SVOP: variants seen among roughly 807,000 people sequenced by gnomAD.
The protein encoded by SVOP is synaptic vesicle 2-related protein.
Under a neutral mutation model 69.1 loss-of-function variants are expected in SVOP, and 17 were observed. The ratio of observed to expected loss-of-function variants is 0.25; its 90% CI spans 0.17 to 0.37. The LOEUF is 0.37. SVOP is among the 10% of genes least tolerant of loss of function. SVOP has a pLI of 1.00. For synonymous variants in SVOP, 238 were observed against 238.6 expected, an observed-to-expected ratio of 1.00 and a Z score of 0.02; for missense variants, 435 against 597.5, an observed-to-expected ratio of 0.73 and a Z score of 2.84.
chr12:108,939,090 T>C, intron 8 of SVOP, 135 bp from the exon 9 acceptor site: 16 of 1,238,950 alleles, frequency 1.3e-5, no homozygotes, highest in Non-Finnish European at 1.8e-5. Flanking sequence ...CTTCAAATCC[T>C]GGCCCCACCA....
chr12:108,925,852 G>A (rs2039776940), intron 11 of SVOP, among the ~76,000 whole-genome samples: 1 of 151,472 alleles, frequency 6.6e-6, no homozygotes, highest in Non-Finnish European at 1.5e-5. Context: ...TTCTCATTGA[G>A]GCCACCCTGA....
intron 6 of SVOP, among the ~76,000 whole-genome samples, chr12:108,959,476 C>T (rs369248109): frequency 7.9e-5 from 12 of 151,964 alleles, no homozygotes; most frequent in Admixed American, 3.3e-4. Context: ...GCCTTAGCCT[C>T]CCAAGTATCT....
intron 5 of SVOP, among the ~76,000 whole-genome samples, chr12:108,964,639 T>G (rs2040034907): frequency 2.0e-5 from 3 of 152,176 alleles, no homozygotes; most frequent in Admixed American, 6.5e-5. Flanking sequence ...AGGCCTGTCA[T>G]GGATATTACA....
chr12:108,920,782 G>C (rs2039743988), intron 12 of SVOP, among the ~76,000 whole-genome samples: 1 of 151,936 alleles, frequency 6.6e-6, no homozygotes, highest in Non-Finnish European at 1.5e-5. Flanking sequence ...AGTTTTAGTA[G>C]AGATGGAGTT....
chr12:108,960,720 T>G (rs1225261328), intron 6 of SVOP, among the ~76,000 whole-genome samples: 2 of 152,180 alleles, frequency 1.3e-5, no homozygotes, highest in East Asian at 3.8e-4. Context: ...CATTGTGTTG[T>G]TTTGCTGCTG....
chr12:108,949,930 T>C (rs910152219), intron 6 of SVOP, among the ~76,000 whole-genome samples: 1 of 152,180 alleles, frequency 6.6e-6, no homozygotes, highest in Non-Finnish European at 1.5e-5. Context: ...AGTTCCCTCA[T>C]CCTTGAAGTG....
At chr12:108,997,253 C>T (rs1449350190) in intron 1 of SVOP, among the ~76,000 whole-genome samples, 1 of 152,064 alleles carries the variant, frequency 6.6e-6, no homozygotes, top group Non-Finnish European at 1.5e-5. Flanking sequence ...CTTTTCAGAC[C>T]GGCTTAAAAA....
At chr12:109,010,027 G>A (rs1208098089) in intron 1 of SVOP, among the ~76,000 whole-genome samples, 1 of 151,590 alleles carries the variant, frequency 6.6e-6, no homozygotes, top group Non-Finnish European at 1.5e-5. Context: ...GAAAGTTGAG[G>A]CGGGAGGATT....
intron 2 of SVOP, among the ~76,000 whole-genome samples, chr12:108,982,547 A>C (rs1168514455): frequency 6.6e-6 from 1 of 151,192 alleles, no homozygotes; most frequent in East Asian, 2.0e-4. Context: ...TTTCATCATC[A>C]CCGTCATCAT....
At chr12:108,973,103 GACTGGCA>G (rs2040088212) in intron 4 of SVOP, among the ~76,000 whole-genome samples, 1 of 152,186 alleles carries the variant, frequency 6.6e-6, no homozygotes, top group African/African-American at 2.4e-5. Context: ...CAAGCAGGCT[GACTGGCA>G]CCTCATCACC....
chr12:108,968,483 A>G (rs1444566272), intron 5 of SVOP, among the ~76,000 whole-genome samples: 1 of 152,162 alleles, frequency 6.6e-6, no homozygotes, highest in African/African-American at 2.4e-5. Flanking sequence ...GATTCAATGA[A>G]TGGTAGCTAT....
chr12:109,016,277 C>T (rs1418454338), intron 1 of SVOP, among the ~76,000 whole-genome samples: 2 of 152,190 alleles, frequency 1.3e-5, no homozygotes, highest in Non-Finnish European at 2.9e-5. Flanking sequence ...GAGTTTGAAC[C>T]CAGATCTGCC....
chr12:109,006,919 A>G (rs953390010), intron 1 of SVOP, among the ~76,000 whole-genome samples: 7 of 152,202 alleles, frequency 4.6e-5, no homozygotes, highest in African/African-American at 1.4e-4. Flanking sequence ...GGCCTGGTTA[A>G]TACAAAAAGA....
intron 11 of SVOP, among the ~76,000 whole-genome samples, chr12:108,933,350 C>A (rs1483104024): frequency 1.3e-5 from 2 of 151,476 alleles, no homozygotes; most frequent in Non-Finnish European, 2.9e-5. Flanking sequence ...GCACTCCACC[C>A]TGGGTGAAAG....
Position 108,912,413 on chromosome 12 carries a change from G to T in SVOP, c.*122C>A, listed in dbSNP as rs1351381841. On this transcript the variant is annotated 3_prime_UTR_variant, in exon 16 of 16. Transcript: ENST00000610966. Reference sequence around the variant, plus strand: ...CTGAGTCAAGACACAAAACCCTGTTGGTCCAGGTCATACTCTTGGGTGAGT... The same window carrying T: ...CTGAGTCAAGACACAAAACCCTGTTTGTCCAGGTCATACTCTTGGGTGAGT... 1.3e-6 allele frequency: 2 copies of T among 1,530,728 alleles called. No individual in the cohort carries two copies. The highest frequency in any genetic ancestry group is 1.8e-6 in the Non-Finnish European group (2 of 1,141,184). The allele number at this position is 1,530,728 out of a possible 1,614,324, so 94.8% of individuals were successfully genotyped here.
chr12:109,016,200 C>T (rs2040366737), intron 1 of SVOP, among the ~76,000 whole-genome samples: 2 of 152,310 alleles, frequency 1.3e-5, no homozygotes, highest in Non-Finnish European at 2.9e-5. Flanking sequence ...CTGACTTCAC[C>T]GATAGGCACT....
intron 9 of SVOP, 49 bp from the exon 10 acceptor site, chr12:108,937,386 C>T (rs3918305): frequency 0.41 from 651,025 of 1,574,166 alleles, 138,607 homozygotes; most frequent in African/African-American, 0.64. Flanking sequence ...TACAGATGCA[C>T]GGGAGATGGG....
At chr12:108,963,124 A>G (rs975483029) in intron 5 of SVOP, among the ~76,000 whole-genome samples, 14 of 152,162 alleles carry the variant, frequency 9.2e-5, no homozygotes, top group African/African-American at 3.1e-4. Flanking sequence ...TTTCACGTGC[A>G]TTTTCAACCT....
At chr12:108,953,909 C>T (rs993508152) in intron 6 of SVOP, among the ~76,000 whole-genome samples, 33 of 151,824 alleles carry the variant, frequency 2.2e-4, no homozygotes, top group African/African-American at 8.0e-4. Flanking sequence ...GTCAGGAGTT[C>T]GAGACCAGCC....
Sources: allele counts gnomAD v4.1 joint callset (sites outside exome capture counted in the v4.1 genomes callset), GRCh38; gene constraint gnomAD v4.1.1; transcripts MANE v1.5; gene names NCBI Gene and HGNC (gene_info 2026-07-23, HGNC 2026-07-21).